The following DUS2 variants were observed in gnomAD, a reference collection of about 807,000 sequenced individuals.
DUS2 encodes the protein dihydrouridine synthase 2.
Under a neutral mutation model 71.3 loss-of-function variants are expected in DUS2, and 52 were observed. That is an observed-to-expected ratio of 0.73 (90% CI 0.58 to 0.92). The LOEUF is 0.92. DUS2 is among the 40% of genes least tolerant of loss of function. The pLI is 0.00. For missense variants in DUS2, 558 were observed against 622.6 expected, an observed-to-expected ratio of 0.90 and a Z score of 1.10; for synonymous variants, 204 against 227.8, an observed-to-expected ratio of 0.90 and a Z score of 0.94.
At chr16:68,043,053 A>T (rs2033654180) in intron 3 of DUS2, among the ~76,000 whole-genome samples, 1 of 151,916 alleles carries the variant, frequency 6.6e-6, no homozygotes, top group Non-Finnish European at 1.5e-5. Context: ...GGATTTCGCT[A>T]TGTTGCCCAT....
At chr16:68,056,255 TCA>T in intron 6 of DUS2, 107 bp from the exon 7 acceptor site, 1 of 904,206 alleles carries the variant, frequency 1.1e-6, no homozygotes, top group Non-Finnish European at 1.7e-6. Context: ...TTTCATAGAG[TCA>T]GGGACAGGGT....
intron 5 of DUS2, 37 bp downstream of exon 5, chr16:68,053,692 C>T (rs776627384): frequency 5.6e-6 from 9 of 1,608,070 alleles, no homozygotes; most frequent in Non-Finnish European, 7.7e-6. Flanking sequence ...TCCTGAGGCT[C>T]ACCATCCCCT....
intron 2 of DUS2, among the ~76,000 whole-genome samples, chr16:68,032,743 G>T (rs1263480195): frequency 6.6e-6 from 1 of 151,882 alleles, no homozygotes; most frequent in Non-Finnish European, 1.5e-5. Context: ...GCCAAAGTGG[G>T]TGGATCACCT....
Position 68,023,362 on chromosome 16 carries a change from C to G in DUS2, c.-99+11C>G. On this transcript the variant is annotated intron_variant, in intron 1 of 16. Transcript: ENST00000565263. ...GAGTTCAGCTGCGAGGTCTGTAGCTCCGAATAGGGGATGGCGACATCCAGA... is the reference window on the plus strand; with the variant it reads ...GAGTTCAGCTGCGAGGTCTGTAGCTGCGAATAGGGGATGGCGACATCCAGA... 1 of 878,068 alleles carries G rather than the reference C, an allele frequency of 1.1e-6. No homozygotes were observed. The highest frequency in any genetic ancestry group is 1.7e-6 in the Non-Finnish European group (1 of 583,820). The allele number at this position is 878,068 out of a possible 1,614,324, so 54.4% of individuals were successfully genotyped here.
At chr16:68,039,567 C>T (rs1167882481) in intron 3 of DUS2, among the ~76,000 whole-genome samples, 7 of 152,006 alleles carry the variant, frequency 4.6e-5, no homozygotes, top group Non-Finnish European at 8.8e-5. Context: ...TACAGGCGTC[C>T]GCCACCACGC....
intron 14 of DUS2, among the ~76,000 whole-genome samples, chr16:68,076,301 T>C (rs2034155673): frequency 1.3e-5 from 2 of 152,178 alleles, no homozygotes; most frequent in Non-Finnish European, 2.9e-5. Flanking sequence ...CACTCCCTAC[T>C]AATCTTGTCT....
intron 3 of DUS2, among the ~76,000 whole-genome samples, chr16:68,048,624 A>G (rs12445533): frequency 0.13 from 19,429 of 152,198 alleles, 1,338 homozygotes; most frequent in South Asian, 0.19. Flanking sequence ...CATGGATACT[A>G]TGAGGATTCT....
chr16:68,079,123 A>T lies in DUS2; in HGVS notation c.*137A>T. The T allele has an allele frequency of 1.2e-6, 1 of 830,840 alleles. No homozygotes were observed. Among genetic ancestry groups the T allele is most frequent in the Non-Finnish European group, 1.8e-6 (1 of 558,768 alleles). The allele number at this position is 830,840 out of a possible 1,614,324, so 51.5% of individuals were successfully genotyped here. On this transcript the variant is annotated 3_prime_UTR_variant, in exon 17 of 17. Coordinates refer to ENST00000565263, the MANE Select transcript of DUS2 (RefSeq NM_017803.5). ...GTTAGATGTCCTGGCAGGGGCCATCAGCCTAGAGCATGGACCAGGGGCCGC... is the reference window on the plus strand; with the variant it reads ...GTTAGATGTCCTGGCAGGGGCCATCTGCCTAGAGCATGGACCAGGGGCCGC...
At chr16:68,061,262 T>G (rs2033936737) in intron 8 of DUS2, 149 bp downstream of exon 8, 2 of 785,394 alleles carry the variant, frequency 2.5e-6, no homozygotes, top group African/African-American at 3.5e-5. Flanking sequence ...AATTTTCCAG[T>G]GATTTTGACA....
intron 2 of DUS2, among the ~76,000 whole-genome samples, chr16:68,032,241 C>T (rs2151409811): frequency 6.6e-6 from 1 of 152,282 alleles, no homozygotes; most frequent in Non-Finnish European, 1.5e-5. Context: ...ACCAACCACC[C>T]TACAAGAGGC....
intron 2 of DUS2, 105 bp from the exon 3 acceptor site, chr16:68,037,901 A>G: frequency 8.5e-7 from 1 of 1,178,306 alleles, no homozygotes; most frequent in Non-Finnish European, 1.2e-6. Flanking sequence ...AAGAAAATGA[A>G]AACTACTGTG....
At chr16:68,058,059 A>G (rs890569535) in intron 7 of DUS2, among the ~76,000 whole-genome samples, 2 of 152,018 alleles carry the variant, frequency 1.3e-5, no homozygotes, top group Non-Finnish European at 2.9e-5. Flanking sequence ...AGGGTGTGGT[A>G]TAAGCAGGGG....
intron 3 of DUS2, among the ~76,000 whole-genome samples, chr16:68,044,310 T>G (rs765996437): frequency 6.6e-6 from 1 of 152,192 alleles, no homozygotes. Context: ...ATCTGTAGAT[T>G]AGTTTACGGA....
chr16:68,076,553 C>T, intron 14 of DUS2, 79 bp from the exon 15 acceptor site: 3 of 1,084,500 alleles, frequency 2.8e-6, no homozygotes, highest in Non-Finnish European at 4.2e-6. Flanking sequence ...CAGCTCCTTT[C>T]AGGAGCTGAG....
At position 68,069,920 on chromosome 16, in the gene DUS2, C is replaced by T. The variant is rs553839915; in HGVS notation, c.555-214C>T. 1.1e-4 allele frequency among the ~76,000 whole-genome samples: 16 copies of T among 152,328 alleles called. No individual in the cohort carries two copies. In the South Asian group the frequency reaches 1.7e-3, roughly 16 times the overall value. On this transcript the variant is annotated intron_variant, in intron 10 of 16. Transcript: ENST00000565263. Reference sequence around the variant, plus strand: ...GCAGGCCTCCAAGAGCTGGACTTGCCGTCTCAGCATGGATCTGTGCTGCCC... The same window carrying T: ...GCAGGCCTCCAAGAGCTGGACTTGCTGTCTCAGCATGGATCTGTGCTGCCC...
chr16:68,033,796 T>G (rs1190969576), intron 2 of DUS2, among the ~76,000 whole-genome samples: 1 of 152,062 alleles, frequency 6.6e-6, no homozygotes, highest in East Asian at 1.9e-4. Context: ...CACGTCTGGC[T>G]AATTTTTGTA....
intron 1 of DUS2, among the ~76,000 whole-genome samples, chr16:68,025,132 A>G (rs2033328154): frequency 6.6e-6 from 1 of 152,030 alleles, no homozygotes. Flanking sequence ...GCCCGGCCCA[A>G]TTCTATGCTA....
In DUS2 at chr16:68,068,869, G is replaced by A. The variant is rs925553879; in HGVS notation, c.555-1265G>A. On this transcript the variant is annotated intron_variant, in intron 10 of 16. Coordinates refer to ENST00000565263, the MANE Select transcript of DUS2 (RefSeq NM_017803.5). ...CCCACCTTGGCTTCCCAAAGTGCAG[G>A]GATTACAGGCGTGAGCCACCATGCC... is the stretch of plus-strand genomic sequence containing the variant. 5.9e-5 allele frequency among the ~76,000 whole-genome samples: 9 copies of A among 151,508 alleles called. No individual in the cohort carries two copies. In the South Asian group the frequency reaches 6.3e-4, roughly 11 times the overall value.
At position 68,035,876 on chromosome 16, in the gene DUS2, C is replaced by T. The variant is rs554010400; in HGVS notation, c.-18-2130C>T. Among the ~76,000 whole-genome samples, 316 of 121,756 alleles carry T rather than the reference C, an allele frequency of 2.6e-3. 4 individuals are homozygous for T. The highest frequency in any genetic ancestry group is 0.011 in the African/African-American group (291 of 27,340). The allele number at this position is 121,756 out of a possible 152,430, so 79.9% of individuals were successfully genotyped here. ...ATTACAGGTGTGTACCACCACATCC[C>T]GCTAATTTTATATATATATATATAT... is the stretch of plus-strand genomic sequence containing the variant. On this transcript the variant is annotated intron_variant, in intron 2 of 16. Transcript: ENST00000565263.
Sources: allele counts gnomAD v4.1 joint callset (sites outside exome capture counted in the v4.1 genomes callset), GRCh38; gene constraint gnomAD v4.1.1; transcripts MANE v1.5; gene names NCBI Gene and HGNC (gene_info 2026-07-23, HGNC 2026-07-21).